The following ESR2 variants were observed in gnomAD, a reference collection of about 807,000 sequenced individuals.
ESR2 encodes the protein estrogen receptor beta.
In ESR2, 36 loss-of-function variants were observed where a neutral mutation model predicts 49.6. The observed-to-expected ratio is 0.73, with a 90% CI of 0.56 to 0.96. The LOEUF (loss-of-function observed/expected upper bound fraction) is 0.96, where lower values mean the gene tolerates loss of function less well. ESR2 is among the 40% of genes least tolerant of loss of function. The pLI is 0.00. For synonymous variants in ESR2, 320 were observed against 266.1 expected, an observed-to-expected ratio of 1.20 and a Z score of -1.97; for missense variants, 714 against 693.0, an observed-to-expected ratio of 1.03 and a Z score of -0.34.
chr14:64,235,192 A>G, intron 7 of ESR2, 42 bp from the exon 8 acceptor site: 2 of 1,588,576 alleles, frequency 1.3e-6, no homozygotes, highest in Non-Finnish European at 1.7e-6. Context: ...CTCTGAGCAA[A>G]GGAGCAGAAG....
chr14:64,250,938 T>G (rs1014370668), intron 6 of ESR2, among the ~76,000 whole-genome samples: 9 of 152,148 alleles, frequency 5.9e-5, no homozygotes, highest in Non-Finnish European at 1.0e-4. Flanking sequence ...CATTACTGAG[T>G]TACTAAATTT....
At chr14:64,272,277 T>A (rs529392615) in intron 3 of ESR2, among the ~76,000 whole-genome samples, 41 of 152,326 alleles carry the variant, frequency 2.7e-4, no homozygotes, top group African/African-American at 8.9e-4. Context: ...TTGTTTGAGC[T>A]CCTTCTATAT....
chr14:64,242,621 A>T (rs1369858172), intron 7 of ESR2, among the ~76,000 whole-genome samples: 3 of 151,640 alleles, frequency 2.0e-5, no homozygotes, highest in African/African-American at 7.3e-5. Context: ...AAAAAAAAAA[A>T]TTTAGAGAAC....
intron 3 of ESR2, among the ~76,000 whole-genome samples, chr14:64,272,414 C>T (rs2076468533): frequency 6.6e-6 from 1 of 152,140 alleles, no homozygotes; most frequent in South Asian, 2.1e-4. Context: ...TTCCATTTGT[C>T]CACTTTTACT....
chr14:64,336,201 CAT>C (rs2077530328), intron 1 of ESR2: 1 of 152,098 alleles, frequency 6.6e-6, no homozygotes, highest in African/African-American at 2.4e-5. Context: ...CACTTTTACA[CAT>C]ATTTGTGTGC....
Position 64,260,688 on chromosome 14 carries a change from T to TC in ESR2, c.712_713insG (p.Gln238ArgfsTer39). Reference sequence around the variant, plus strand: ...CTTGGCCTTGCCGGCACAGTGCAGCTGCTCGTCGGCACTTCTCTGTCTCCG... The same window carrying TC: ...CTTGGCCTTGCCGGCACAGTGCAGCTCGCTCGTCGGCACTTCTCTGTCTCCG... On this transcript the variant is annotated frameshift_variant, in exon 5 of 9. Transcript: ENST00000341099. LOFTEE classifies it high-confidence loss of function. 5.1e-6 allele frequency: 8 copies of TC among 1,556,590 alleles called. No homozygotes were observed. The highest frequency in any genetic ancestry group is 3.8e-5 in the Admixed American group (2 of 52,806).
At chr14:64,323,177 T>C (rs2077345351) in intron 1 of ESR2, among the ~76,000 whole-genome samples, 3 of 152,322 alleles carry the variant, frequency 2.0e-5, no homozygotes, top group African/African-American at 7.2e-5. Flanking sequence ...TTAGCATAGC[T>C]TTAAGTGTTG....
intron 4 of ESR2, among the ~76,000 whole-genome samples, chr14:64,267,307 C>T (rs2076352247): frequency 6.6e-6 from 1 of 152,142 alleles, no homozygotes; most frequent in African/African-American, 2.4e-5. Context: ...AAGAAGCCCA[C>T]CGGTTTCTGA....
chr14:64,252,042 A>C (rs528704306), intron 6 of ESR2, among the ~76,000 whole-genome samples: 1 of 152,224 alleles, frequency 6.6e-6, no homozygotes, highest in Non-Finnish European at 1.5e-5. Flanking sequence ...CTGGCTGGGT[A>C]AAGTGGCCCA....
intron 7 of ESR2, among the ~76,000 whole-genome samples, chr14:64,241,678 C>T (rs1478140957): frequency 6.6e-6 from 1 of 152,192 alleles, no homozygotes; most frequent in Admixed American, 6.5e-5. Flanking sequence ...ATGTTTGATG[C>T]TATTGTAAAT....
upstream of ESR2, among the ~76,000 whole-genome samples, chr14:64,295,030 C>G (rs1317977238): frequency 6.6e-6 from 1 of 152,254 alleles, no homozygotes; most frequent in Non-Finnish European, 1.5e-5. Context: ...CCCTCGCGCC[C>G]CCTGGTGGCA....
intron 1 of ESR2, among the ~76,000 whole-genome samples, chr14:64,314,245 A>G (rs1017854932): frequency 3.9e-5 from 6 of 152,158 alleles, no homozygotes; most frequent in African/African-American, 1.4e-4. Flanking sequence ...TCACATGGAA[A>G]TGAAACAAGT....
intron 1 of ESR2, among the ~76,000 whole-genome samples, chr14:64,314,085 G>T (rs1428992191): frequency 6.6e-6 from 1 of 151,866 alleles, no homozygotes; most frequent in African/African-American, 2.4e-5. Flanking sequence ...CCTTTTGAGG[G>T]TCTATGCAAG....
chr14:64,241,907 C>G (rs2075736081), intron 7 of ESR2, among the ~76,000 whole-genome samples: 2 of 152,272 alleles, frequency 1.3e-5, no homozygotes, highest in South Asian at 4.1e-4. Flanking sequence ...CCTTAATGCA[C>G]TGGGTAGAAC....
At chr14:64,257,446 T>TAAAACACTAAG in intron 5 of ESR2, 82 bp from the exon 6 acceptor site, 1 of 1,528,484 alleles carries the variant, frequency 6.5e-7, no homozygotes, top group Non-Finnish European at 8.9e-7. Flanking sequence ...TGGCAAGTGT[T>TAAAACACTAAG]AAAACACTAA....
chr14:64,277,052 C>T (rs2076570305), intron 3 of ESR2, among the ~76,000 whole-genome samples: 1 of 152,052 alleles, frequency 6.6e-6, no homozygotes, highest in Non-Finnish European at 1.5e-5. Context: ...AAAGGATAAG[C>T]TCAAAAAATA....
At chr14:64,246,465 C>G (rs1467883021) in intron 7 of ESR2, among the ~76,000 whole-genome samples, 6 of 152,076 alleles carry the variant, frequency 3.9e-5, no homozygotes, top group Non-Finnish European at 8.8e-5. Flanking sequence ...CCCAGCCATA[C>G]TGAACTGTGA....
At chr14:64,241,006 C>A (rs1380993087) in intron 7 of ESR2, among the ~76,000 whole-genome samples, 1 of 151,474 alleles carries the variant, frequency 6.6e-6, no homozygotes, top group Non-Finnish European at 1.5e-5. Flanking sequence ...ATTAGCCGGG[C>A]GTGATGGTGG....
intron 1 of ESR2, among the ~76,000 whole-genome samples, chr14:64,314,316 G>A (rs754909889): frequency 1.3e-5 from 2 of 151,356 alleles, no homozygotes; most frequent in Non-Finnish European, 2.9e-5. Context: ...GAATGAAAAT[G>A]AAAATAAAAC....
Sources: allele counts gnomAD v4.1 joint callset (sites outside exome capture counted in the v4.1 genomes callset), GRCh38; gene constraint gnomAD v4.1.1; transcripts MANE v1.5; gene names NCBI Gene and HGNC (gene_info 2026-07-23, HGNC 2026-07-21).